Variants in PLAT observed in about 807,000 individuals in gnomAD.
PLAT encodes the protein plasminogen activator, tissue type.
In PLAT, 48 loss-of-function variants were observed where a neutral mutation model predicts 74.9. The observed-to-expected ratio is 0.64, with a 90% CI of 0.51 to 0.82. PLAT has a LOEUF of 0.82. Among genes scored for constraint, PLAT ranks in the 40% least tolerant of loss-of-function variants. PLAT has a pLI of 0.00. For synonymous variants in PLAT, 307 were observed against 294.4 expected (o/e 1.04, Z -0.44); for missense variants, 673 against 736.2 (o/e 0.91, Z 0.99).
At chr8:42,205,495 T>C (rs552786577) in intron 1 of PLAT, among the ~76,000 whole-genome samples, 7 of 152,138 alleles carry the variant, frequency 4.6e-5, no homozygotes, top group African/African-American at 7.2e-5. Flanking sequence ...CATTGCACTC[T>C]AGCCTGGGCA....
chr8:42,178,424 C>A (rs1466314231), intron 13 of PLAT, among the ~76,000 whole-genome samples: 9 of 152,272 alleles, frequency 5.9e-5, no homozygotes, highest in African/African-American at 2.2e-4. Context: ...GCATGTGCCA[C>A]CATGCCAGGC....
intron 8 of PLAT, 192 bp from the exon 9 acceptor site, chr8:42,182,214 A>C: frequency 2.1e-6 from 1 of 482,280 alleles, no homozygotes; most frequent in South Asian, 2.1e-5. Flanking sequence ...TAAGATTTTC[A>C]ATCCCATTTT....
chr8:42,179,531 T>C (rs1805125659), intron 12 of PLAT, among the ~76,000 whole-genome samples: 1 of 152,214 alleles, frequency 6.6e-6, no homozygotes, highest in East Asian at 1.9e-4. Flanking sequence ...ATCTCCACTT[T>C]ACCAACGAGG....
chr8:42,188,034 G>A lies in PLAT; in HGVS notation c.254-18C>T, dbSNP rs1248890546. ...GCTGCAACCTGTCAAGTATAAAAAA[G>A]GAAGCCCCTAATGACAGCCTCCTTC... On this transcript the variant is annotated intron_variant, in intron 4 of 13. Transcript: ENST00000220809. The A allele has an allele frequency of 2.0e-6, 3 of 1,526,286 alleles. No individual in the cohort carries two copies. Among genetic ancestry groups the A allele is most frequent in the Admixed American group, 1.7e-5 (1 of 59,462 alleles). The allele number at this position is 1,526,286 out of a possible 1,614,324, so 94.5% of individuals were successfully genotyped here.
At chr8:42,198,037 A>G (rs995566848) in intron 1 of PLAT, among the ~76,000 whole-genome samples, 2 of 152,130 alleles carry the variant, frequency 1.3e-5, no homozygotes, top group African/African-American at 4.8e-5. Flanking sequence ...TGTTTAAATT[A>G]TATAGGAAAG....
chr8:42,174,757 G>A lies in PLAT; in HGVS notation c.*1236C>T, dbSNP rs975238303. On this transcript the variant is annotated 3_prime_UTR_variant, in exon 14 of 14. Transcript: ENST00000220809. ...GTCCAAACTCAGTTTGGTGTTCAGA[G>A]CCCCCATAATCTAAATTCCAGCCTA... Among the ~76,000 whole-genome samples the A allele has an allele frequency of 5.9e-5, 9 of 152,042 alleles. No homozygotes were observed. Among genetic ancestry groups the A allele is most frequent in the Non-Finnish European group, 1.0e-4 (7 of 68,022 alleles).
intron 1 of PLAT, among the ~76,000 whole-genome samples, chr8:42,194,516 A>G (rs1357937998): frequency 1.3e-5 from 2 of 152,176 alleles, no homozygotes; most frequent in East Asian, 1.9e-4. Flanking sequence ...TGTGGGCTGA[A>G]GGGCTAGACC....
In PLAT at chr8:42,180,846, A is replaced by T. The variant is rs760635640; in HGVS notation, c.890-161T>A. The T allele has an allele frequency of 6.6e-5, 39 of 589,246 alleles. No homozygotes were observed. The Admixed American group carries it at 1.3e-3, about 19-fold the overall frequency. 36.5% of individuals were successfully genotyped at this position (589,246 alleles called of 1,614,324 possible). A position where few individuals can be genotyped will look rare whatever the true frequency, so the allele number is the denominator to read the frequency against. On this transcript the variant is annotated intron_variant, in intron 9 of 13. Coordinates refer to ENST00000220809, the MANE Select transcript of PLAT (RefSeq NM_000930.5). ...TACATTCTCTTTAGTTCCCACAGCGATAAGTTTCAGGAGGCGGAGACGTTT... is the reference window on the plus strand; with the variant it reads ...TACATTCTCTTTAGTTCCCACAGCGTTAAGTTTCAGGAGGCGGAGACGTTT...
At chr8:42,185,572 G>A (rs865917182) in intron 6 of PLAT, 9 of 159,074 alleles carry the variant, frequency 5.7e-5, no homozygotes, top group South Asian at 3.7e-4. Flanking sequence ...CCGGGAGTGC[G>A]TTTTTGGTTG....
chr8:42,198,832 C>G (rs954892090), intron 1 of PLAT, among the ~76,000 whole-genome samples: 2 of 151,846 alleles, frequency 1.3e-5, no homozygotes, highest in Non-Finnish European at 2.9e-5. Context: ...TACCAATACC[C>G]TAAAATGACT....
At chr8:42,202,706 A>G (rs8178687) in intron 1 of PLAT, among the ~76,000 whole-genome samples, 21,166 of 151,718 alleles carry the variant, frequency 0.14, 2,313 homozygotes, top group African/African-American at 0.31. Flanking sequence ...ATAACTAGAC[A>G]CTCAGGGTAC....
chr8:42,202,539 G>A (rs1242418271), intron 1 of PLAT, among the ~76,000 whole-genome samples: 4 of 151,048 alleles, frequency 2.6e-5, no homozygotes, highest in South Asian at 4.2e-4. Flanking sequence ...CACATGAGCT[G>A]CTTCTCTGTT....
intron 11 of PLAT, 68 bp downstream of exon 11, chr8:42,180,174 A>G: frequency 6.2e-7 from 1 of 1,601,954 alleles, no homozygotes; most frequent in Non-Finnish European, 8.5e-7. Flanking sequence ...GTGTGTAAAC[A>G]TAGGTGAGTG....
At chr8:42,186,734 ATCTC>A (rs886633954) in intron 6 of PLAT, 7 of 151,356 alleles carry the variant, frequency 4.6e-5, no homozygotes, top group African/African-American at 1.5e-4. Flanking sequence ...CTCTATCTCT[ATCTC>A]TCTATCATCT....
chr8:42,207,062 C>A (rs927883495), intron 1 of PLAT, among the ~76,000 whole-genome samples: 1 of 152,164 alleles, frequency 6.6e-6, no homozygotes, highest in African/African-American at 2.4e-5. Context: ...GGGGGTTCAT[C>A]GGGGGAGGGA....
intron 13 of PLAT, among the ~76,000 whole-genome samples, chr8:42,178,264 C>CTTTTT (rs5891180): frequency 9.0e-4 from 99 of 110,012 alleles, no homozygotes; most frequent in Non-Finnish European, 1.2e-3. Context: ...ACATTTCTTT[C>CTTTTT]TTTTTTTTTT....
intron 9 of PLAT, among the ~76,000 whole-genome samples, chr8:42,181,107 C>T (rs565074124): frequency 3.3e-5 from 5 of 152,324 alleles, no homozygotes; most frequent in East Asian, 1.9e-4. Flanking sequence ...GCTTTCCTGA[C>T]GTCCCCACCT....
intron 1 of PLAT, among the ~76,000 whole-genome samples, chr8:42,207,020 C>T (rs1806366641): frequency 6.6e-6 from 1 of 152,170 alleles, no homozygotes; most frequent in Admixed American, 6.5e-5. Flanking sequence ...GTAAGTCCCC[C>T]TCTGCCCCAT....
intron 13 of PLAT, among the ~76,000 whole-genome samples, 162 bp downstream of exon 13, chr8:42,178,735 G>A (rs1240272793): frequency 1.3e-5 from 2 of 152,244 alleles, no homozygotes; most frequent in Non-Finnish European, 2.9e-5. Flanking sequence ...TCTTCCTCCA[G>A]TTGCTTTATT....
Sources: allele counts gnomAD v4.1 joint callset (sites outside exome capture counted in the v4.1 genomes callset), GRCh38; gene constraint gnomAD v4.1.1; transcripts MANE v1.5; gene names NCBI Gene and HGNC (gene_info 2026-07-23, HGNC 2026-07-21).